TUBA3E: variants seen among roughly 807,000 people sequenced by gnomAD.
The protein encoded by TUBA3E is tubulin alpha 3e.
In TUBA3E, 21 loss-of-function variants were observed where a neutral mutation model predicts 36.7. The observed-to-expected ratio is 0.57, with a 90% CI of 0.41 to 0.83. The LOEUF (loss-of-function observed/expected upper bound fraction) is 0.83, where lower values mean the gene tolerates loss of function less well. TUBA3E is among the 40% of genes least tolerant of loss of function. TUBA3E has a pLI of 0.00. For synonymous variants in TUBA3E, 177 were observed against 241.9 expected (o/e 0.73, Z 2.49); for missense variants, 469 against 604.2 (o/e 0.78, Z 2.35).
Position 130,195,212 on chromosome 2 carries a change from C to T in TUBA3E, c.242G>A (p.Gly81Glu). ...EPTVVDEVRT[G>E]TYRQLFHPEQ... ...TGGGTGGAAGAGCTGCCTGTAGGTC[C>T]CTGTGCGCACTTCATCTGCAAAAGA... Residue 81 changes from glycine to glutamate, a missense_variant, in exon 3 of 5, where the codon GGG (glycine) becomes GAG (glutamate). Gly to Glu is a moderately conservative substitution (Grantham distance 98, BLOSUM62 -2). This residue lies in a region of TUBA3E where 169 missense variants were observed against 239.0 expected (regional missense o/e 0.71). Coordinates refer to ENST00000312988, the MANE Select transcript of TUBA3E (RefSeq NM_207312.3). 6.2e-7 allele frequency: 1 copy of T among 1,613,892 alleles called. No individual in the cohort carries two copies. Among genetic ancestry groups the T allele is most frequent in the South Asian group, 1.1e-5 (1 of 91,072 alleles).
At chr2:130,196,506 G>T (rs537341418) in intron 1 of TUBA3E, 135 bp from the exon 2 acceptor site, 2 of 1,264,638 alleles carry the variant, frequency 1.6e-6, no homozygotes, top group Non-Finnish European at 2.2e-6. Context: ...TTTCCTAGGA[G>T]GGTTAGTGAC....
chr2:130,192,227 G>A, intron 4 of TUBA3E, 100 bp from the exon 5 acceptor site: 1 of 1,488,228 alleles, frequency 6.7e-7, no homozygotes, highest in Non-Finnish European at 9.0e-7. Context: ...AGGTGACACG[G>A]AGAATGCTCA....
intron 3 of TUBA3E, among the ~76,000 whole-genome samples, chr2:130,194,840 G>A (rs568811873): frequency 6.6e-6 from 1 of 152,264 alleles, no homozygotes; most frequent in South Asian, 2.1e-4. Flanking sequence ...ACCACACCCA[G>A]CTAATTTTCG....
Position 130,195,217 on chromosome 2 carries a change from G to A in TUBA3E, c.237C>T (p.Arg79=), listed in dbSNP as rs755469505. Residue 79 remains arginine (R), a synonymous_variant, in exon 3 of 5, where the codon CGC becomes CGT. Transcript: ENST00000312988. ...GGAAGAGCTGCCTGTAGGTCCCTGT[G>A]CGCACTTCATCTGCAAAAGAGACAG... ...DLEPTVVDEV[R]TGTYRQLFHP... 5.0e-6 allele frequency: 8 copies of A among 1,613,898 alleles called. No individual in the cohort carries two copies. The highest frequency in any genetic ancestry group is 6.8e-6 in the Non-Finnish European group (8 of 1,179,886).
At chr2:130,194,629 C>T (rs544387697) in intron 3 of TUBA3E, among the ~76,000 whole-genome samples, 163 bp from the exon 4 acceptor site, 31 of 152,306 alleles carry the variant, frequency 2.0e-4, no homozygotes, top group African/African-American at 5.5e-4. Context: ...CAAAGATCTA[C>T]GGACAAATCA....
chr2:130,195,087 G>T lies in TUBA3E; in HGVS notation c.367C>A (p.Arg123Ser), dbSNP rs150000338. 4 of 1,612,768 alleles carry T rather than the reference G, an allele frequency of 2.5e-6. No homozygotes were observed. The highest frequency in any genetic ancestry group is 3.4e-6 in the Non-Finnish European group (4 of 1,179,122). Reference sequence around the variant, plus strand: ...AAACCTTCTCTTCTTACCAGTTTGCGGATCCGGTCCAGGACTAGGTCAACA... The same window carrying T: ...AAACCTTCTCTTCTTACCAGTTTGCTGATCCGGTCCAGGACTAGGTCAACA... ...EIVDLVLDRI[R>S]KLADLCTGLQ... is the part of the protein sequence containing the mutation. The change falls in exon 3 of 5, where the codon CGC becomes AGC. Residue 123 changes from arginine to serine, a missense_variant. Around this residue, in one of 3 missense-constraint regions of TUBA3E, gnomAD observed 169 missense variants for 239.0 expected, o/e 0.71. Coordinates refer to ENST00000312988, the MANE Select transcript of TUBA3E (RefSeq NM_207312.3).
intron 3 of TUBA3E, among the ~76,000 whole-genome samples, chr2:130,194,866 TAG>T (rs1364517931): frequency 1.3e-5 from 2 of 152,220 alleles, no homozygotes; most frequent in African/African-American, 4.8e-5. Flanking sequence ...TTAGTAGACA[TAG>T]AGTTTCACCA....
Position 130,193,963 on chromosome 2 carries a change from A to G in TUBA3E, c.879T>C (p.Asn293=), listed in dbSNP as rs1161572296. The change falls in exon 4 of 5, where the codon AAT becomes AAC. Residue 293 remains asparagine (N), a synonymous_variant. Transcript: ENST00000312988. ...HEQLSVAEIT[N]ACFEPANQMV... is the part of the protein sequence containing the mutation. Reference sequence around the variant, plus strand: ...TCTGATTGGCTGGCTCGAAGCAGGCATTGGTGATCTCGGCCACAGACAGCT... The same window carrying G: ...TCTGATTGGCTGGCTCGAAGCAGGCGTTGGTGATCTCGGCCACAGACAGCT... The G allele has an allele frequency of 8.7e-6, 14 of 1,614,212 alleles. No homozygotes were observed. Among genetic ancestry groups the G allele is most frequent in the Non-Finnish European group, 1.2e-5 (14 of 1,180,046 alleles).
In TUBA3E at chr2:130,196,306, C is replaced by A; in HGVS notation, c.69G>T (p.Leu23=). The change falls in exon 2 of 5, where the codon CTG becomes CTT. Residue 23 remains leucine (L), a synonymous_variant. Transcript: ENST00000312988. Reference sequence around the variant, plus strand: ...GCTGAATTCCATGTTCAAGGCAGTACAGTTCCCAGCAGGCATTGCCGATCT... The same window carrying A: ...GCTGAATTCCATGTTCAAGGCAGTAAAGTTCCCAGCAGGCATTGCCGATCT... ...GVQIGNACWE[L]YCLEHGIQPD... The A allele has an allele frequency of 3.1e-6, 5 of 1,614,128 alleles. No homozygotes were observed. The South Asian group carries it at 5.5e-5, about 18-fold the overall frequency.
chr2:130,191,998 C>T lies in TUBA3E; in HGVS notation c.1186G>A (p.Asp396Asn), dbSNP rs1389726458. 9.9e-6 allele frequency: 16 copies of T among 1,614,090 alleles called. No individual in the cohort carries two copies. Among genetic ancestry groups the T allele is most frequent in the East Asian group, 6.7e-5 (3 of 44,866 alleles). ...AAGGCCCACTTGGCATACATGAGAT[C>T]GAACTTATGGACCAGGCGGGCCCAG... ...EAWARLVHKF[D>N]LMYAKWAFVH... The change falls in exon 5 of 5, where the codon GAT becomes AAT. Residue 396 changes from aspartate (D) to asparagine (N), a missense_variant. Coordinates refer to ENST00000312988, the MANE Select transcript of TUBA3E (RefSeq NM_207312.3).
intron 1 of TUBA3E, among the ~76,000 whole-genome samples, chr2:130,197,676 G>T (rs1399896023): frequency 8.0e-6 from 1 of 125,448 alleles, no homozygotes; most frequent in Non-Finnish European, 1.8e-5. Flanking sequence ...GCGCCATCAC[G>T]ACTCACTGCA....
chr2:130,192,061 C>T lies in TUBA3E; in HGVS notation c.1123G>A (p.Val375Met), dbSNP rs1248080553. ...GGDLAKVQRAVCMLSNTTAIA... is the reference protein window; with the variant it reads ...GGDLAKVQRAMCMLSNTTAIA... ...GCCGTGGTGTTGCTCAGCATGCACA[C>T]GGCCCGCTGCACCTTGGCCAGGTCT... The change falls in exon 5 of 5, where the codon GTG (valine) becomes ATG (methionine). Residue 375 changes from valine to methionine, a missense_variant. Physicochemically the swap from Val to Met is conservative, Grantham distance 21. Around this residue, in one of 3 missense-constraint regions of TUBA3E, gnomAD observed 296 missense variants for 346.9 expected, o/e 0.85. Coordinates refer to ENST00000312988, the MANE Select transcript of TUBA3E (RefSeq NM_207312.3). 11 of 1,613,478 alleles carry T rather than the reference C, an allele frequency of 6.8e-6. No homozygotes were observed. The highest frequency in any genetic ancestry group is 1.6e-4 in the Middle Eastern group (1 of 6,078).
At chr2:130,195,759 G>A (rs919801026) in intron 2 of TUBA3E, among the ~76,000 whole-genome samples, 4 of 152,220 alleles carry the variant, frequency 2.6e-5, no homozygotes, top group African/African-American at 9.6e-5. Context: ...TGACTGTTCT[G>A]TACTTACCTT....
At position 130,198,126 on chromosome 2, in the gene TUBA3E, A is replaced by G. The variant is rs537150854; in HGVS notation, c.3+232T>C. On this transcript the variant is annotated intron_variant, in intron 1 of 4. Coordinates refer to ENST00000312988, the MANE Select transcript of TUBA3E (RefSeq NM_207312.3). Reference sequence around the variant, plus strand: ...CTCTCTGGGGGACGGGATACCGTCAATGGTCCCCGTCCACTAAAGGCCGGC... The same window carrying G: ...CTCTCTGGGGGACGGGATACCGTCAGTGGTCCCCGTCCACTAAAGGCCGGC... 1.4e-4 allele frequency among the ~76,000 whole-genome samples: 17 copies of G among 122,942 alleles called. 5 individuals carry two copies. Among genetic ancestry groups the G allele is most frequent in the African/African-American group, 4.9e-4 (17 of 34,464 alleles). 80.7% of individuals were successfully genotyped at this position (122,942 alleles called of 152,430 possible).
At chr2:130,194,630 G>A (rs777928586) in intron 3 of TUBA3E, among the ~76,000 whole-genome samples, 164 bp from the exon 4 acceptor site, 12 of 152,138 alleles carry the variant, frequency 7.9e-5, no homozygotes, top group African/African-American at 2.7e-4. Flanking sequence ...AAAGATCTAC[G>A]GACAAATCAC....
intron 3 of TUBA3E, 103 bp downstream of exon 3, chr2:130,194,976 C>A: frequency 1.3e-6 from 2 of 1,555,310 alleles, no homozygotes; most frequent in South Asian, 2.5e-5. Context: ...CCGCGCCCGG[C>A]CAAGATGCTG....
rs756624637 is a variant in TUBA3E, at chr2:130,196,128, A to T, written c.226+21T>A. The T allele has an allele frequency of 8.8e-6, 14 of 1,599,294 alleles. No homozygotes were observed. The South Asian group carries it at 1.3e-4, about 15-fold the overall frequency. On this transcript the variant is annotated intron_variant, in intron 2 of 4. Transcript: ENST00000312988. ...CTCCCACCCTCTCAGGAAAGCTGCC[A>T]TCCAGTGCCCAGGCACCTACCGACC...
rs1447474246 is a variant in TUBA3E at position 130,198,231 on chromosome 2, G to A, written c.3+127C>T. The A allele has an allele frequency of 9.1e-6, 10 of 1,104,002 alleles. 3 individuals are homozygous for A. The highest frequency in any genetic ancestry group is 1.1e-5 in the Non-Finnish European group (9 of 796,818). 68.4% of individuals were successfully genotyped at this position (1,104,002 alleles called of 1,614,324 possible). On this transcript the variant is annotated intron_variant, in intron 1 of 4. Coordinates refer to ENST00000312988, the MANE Select transcript of TUBA3E (RefSeq NM_207312.3). ...AAACGATCCCGTGTCCTCCTGTCCC[G>A]CACTAGACCCTGCGTCCTTCTCTGG...
At position 130,191,945 on chromosome 2, in the gene TUBA3E, C is replaced by T; in HGVS notation, c.1239G>A (p.Met413Ile). The T allele has an allele frequency of 6.2e-7, 1 of 1,614,074 alleles. No homozygotes were observed. Among genetic ancestry groups the T allele is most frequent in the Non-Finnish European group, 8.5e-7 (1 of 1,180,006 alleles). ...AFVHWYVGEGMEEGEFSEARE... is the reference protein window; with the variant it reads ...AFVHWYVGEGIEEGEFSEARE... ...GGGCCTCAGAGAACTCTCCCTCTTCCATGCCTTCGCCCACGTACCAGTGCA... is the reference window on the plus strand; with the variant it reads ...GGGCCTCAGAGAACTCTCCCTCTTCTATGCCTTCGCCCACGTACCAGTGCA... The change falls in exon 5 of 5, where the codon ATG becomes ATA. Residue 413 changes from methionine (M) to isoleucine (I), a missense_variant. By Grantham distance (10) the Met-to-Ile change is conservative. Coordinates refer to ENST00000312988, the MANE Select transcript of TUBA3E (RefSeq NM_207312.3).
Sources: allele counts gnomAD v4.1 joint callset (sites outside exome capture counted in the v4.1 genomes callset), GRCh38; gene constraint gnomAD v4.1.1; regional missense constraint gnomAD v4.1.1; transcripts MANE v1.5; gene names NCBI Gene and HGNC (gene_info 2026-07-23, HGNC 2026-07-21).